The following DPP6 variants were observed in gnomAD, a reference collection of about 807,000 sequenced individuals.
DPP6 encodes the protein dipeptidyl peptidase like 6.
DPP6 carries 69 observed loss-of-function variants against 122.6 expected under a neutral mutation model. That is an observed-to-expected ratio of 0.56 (90% CI 0.46 to 0.69). The LOEUF is 0.69. Ranked by LOEUF, DPP6 falls within the 30% of genes least tolerant of loss-of-function variation. DPP6 has a pLI of 0.00. For synonymous variants in DPP6, 418 were observed against 433.1 expected (o/e 0.97, Z 0.43); for missense variants, 928 against 1,116.9 (o/e 0.83, Z 2.41).
the DPP6 span, among the ~76,000 whole-genome samples, chr7:153,850,697 A>G: frequency 6.6e-6 from 1 of 152,196 alleles, no homozygotes; most frequent in Non-Finnish European, 1.5e-5. Flanking sequence ...TGTGTCTTAC[A>G]TGGTGGCAGG....
chr7:154,176,036 A>G (rs1484395486), intron 1 of DPP6, among the ~76,000 whole-genome samples: 3 of 152,084 alleles, frequency 2.0e-5, no homozygotes, highest in Admixed American at 1.3e-4. Flanking sequence ...AAAACTGTCT[A>G]TGTGCAGGGT....
At chr7:154,367,887 A>G (rs1167411410) in intron 1 of DPP6, among the ~76,000 whole-genome samples, 2 of 152,066 alleles carry the variant, frequency 1.3e-5, no homozygotes, top group East Asian at 3.9e-4. Context: ...GCTCACTGCA[A>G]CCTCCGCCTC....
At chr7:154,206,251 C>A (rs112492409) in intron 1 of DPP6, among the ~76,000 whole-genome samples, 12 of 152,330 alleles carry the variant, frequency 7.9e-5, no homozygotes, top group African/African-American at 2.9e-4. Context: ...TGGCTCTCAT[C>A]AAGATCTTTG....
At chr7:153,786,530 G>A in the DPP6 span, among the ~76,000 whole-genome samples, 1 of 151,550 alleles carries the variant, frequency 6.6e-6, no homozygotes, top group South Asian at 2.1e-4. Flanking sequence ...ACGAGGTCAG[G>A]AGATCGAGAC....
At chr7:153,895,564 T>C (rs762225430) in intron 1 of DPP6, among the ~76,000 whole-genome samples, 7 of 152,224 alleles carry the variant, frequency 4.6e-5, no homozygotes, top group Non-Finnish European at 7.3e-5. Flanking sequence ...TCGCCAGTCT[T>C]GTCTCAGCAA....
chr7:154,720,249 C>A (rs184385362), intron 7 of DPP6, among the ~76,000 whole-genome samples: 1 of 152,264 alleles, frequency 6.6e-6, no homozygotes, highest in Admixed American at 6.5e-5. Context: ...GAGGAGGCAC[C>A]AGCAGGCAGA....
chr7:153,772,038 C>T, the DPP6 span, among the ~76,000 whole-genome samples: 14 of 151,988 alleles, frequency 9.2e-5, no homozygotes, highest in African/African-American at 3.1e-4. Context: ...TATAACAGTA[C>T]GTTCCCAGTT....
chr7:154,258,554 A>G (rs73727922), intron 1 of DPP6, among the ~76,000 whole-genome samples: 13,713 of 152,216 alleles, frequency 0.09, 1,034 homozygotes, highest in African/African-American at 0.21. Context: ...CTCCACAACC[A>G]ATAGCAAAAG....
chr7:154,350,875 G>A (rs1437512908), intron 1 of DPP6, among the ~76,000 whole-genome samples: 2 of 152,176 alleles, frequency 1.3e-5, no homozygotes, highest in East Asian at 3.9e-4. Flanking sequence ...CTTAGGAGCT[G>A]GAGATCACTG....
chr7:154,289,464 A>C (rs138776586), intron 1 of DPP6, among the ~76,000 whole-genome samples: 2 of 152,280 alleles, frequency 1.3e-5, no homozygotes, highest in African/African-American at 4.8e-5. Flanking sequence ...ACTAGGACCC[A>C]CTCAGCTAGT....
intron 1 of DPP6, among the ~76,000 whole-genome samples, chr7:154,029,377 C>T (rs191875744): frequency 5.7e-4 from 85 of 150,166 alleles, no homozygotes; most frequent in East Asian, 5.4e-3. Context: ...AATAGCTGGG[C>T]GCGGTGGCGG....
chr7:154,408,375 G>A (rs1293569417), intron 1 of DPP6, among the ~76,000 whole-genome samples: 1 of 152,090 alleles, frequency 6.6e-6, no homozygotes, highest in African/African-American at 2.4e-5. Context: ...AGTTAGAAAA[G>A]TGGGTTCATT....
chr7:154,061,947 A>ACCC lies in DPP6; in HGVS notation c.243+8884_243+8885insCCC, dbSNP rs751155529. Among the ~76,000 whole-genome samples the ACCC allele has an allele frequency of 9.9e-4, 112 of 113,354 alleles. 14 individuals are homozygous for ACCC. The highest frequency in any genetic ancestry group is 4.1e-3 in the Admixed American group (44 of 10,646). The allele number at this position is 113,354 out of a possible 152,430, so 74.4% of individuals were successfully genotyped here. ...GACCCCCATCGCAGGAGGGGGAGGCAACCCTGCGAGGGTGGGGACTGAGAG... is the reference window on the plus strand; with the variant it reads ...GACCCCCATCGCAGGAGGGGGAGGCACCCACCCTGCGAGGGTGGGGACTGAGAG... On this transcript the variant is annotated intron_variant, in intron 1 of 25. Coordinates refer to ENST00000377770, the MANE Select transcript of DPP6 (RefSeq NM_130797.4).
At chr7:153,867,831 A>G in the DPP6 span, among the ~76,000 whole-genome samples, 1 of 152,104 alleles carries the variant, frequency 6.6e-6, no homozygotes, top group Non-Finnish European at 1.5e-5. Context: ...TCCCATCAAT[A>G]CCTAATTTAT....
chr7:153,878,627 T>C, the DPP6 span, among the ~76,000 whole-genome samples: 1 of 152,250 alleles, frequency 6.6e-6, no homozygotes, highest in South Asian at 2.1e-4. Context: ...GGATTGTAAC[T>C]AGAAGAATGC....
the DPP6 span, among the ~76,000 whole-genome samples, chr7:153,831,784 C>T: frequency 1.3e-5 from 2 of 152,078 alleles, no homozygotes; most frequent in East Asian, 1.9e-4. Context: ...GCCCATGAGG[C>T]GATTGTTTGC....
intron 1 of DPP6, among the ~76,000 whole-genome samples, chr7:154,157,221 A>C (rs1269294614): frequency 3.9e-5 from 6 of 152,268 alleles, no homozygotes; most frequent in Admixed American, 2.0e-4. Context: ...TTTCAGAGCC[A>C]AGAGAAAAGA....
At chr7:153,799,621 A>T in the DPP6 span, among the ~76,000 whole-genome samples, 1 of 152,162 alleles carries the variant, frequency 6.6e-6, no homozygotes, top group Non-Finnish European at 1.5e-5. Context: ...AATTCATTGA[A>T]GTTTAAACTT....
chr7:154,868,903 G>T (rs1398942855), intron 18 of DPP6, among the ~76,000 whole-genome samples: 1 of 152,168 alleles, frequency 6.6e-6, no homozygotes, highest in Non-Finnish European at 1.5e-5. Flanking sequence ...GCAGCCTTTT[G>T]GTGGTAAGTT....
Sources: allele counts gnomAD v4.1 joint callset (sites outside exome capture counted in the v4.1 genomes callset), GRCh38; gene constraint gnomAD v4.1.1; transcripts MANE v1.5; gene names NCBI Gene and HGNC (gene_info 2026-07-23, HGNC 2026-07-21).